GNAL: variants seen among roughly 807,000 people sequenced by gnomAD.
The protein encoded by GNAL is G protein subunit alpha L, also known as guanine nucleotide-binding protein G(olf) subunit alpha.
In GNAL, 18 loss-of-function variants were observed where a neutral mutation model predicts 55.1. That is an observed-to-expected ratio of 0.33 (90% CI 0.23 to 0.48). The LOEUF (loss-of-function observed/expected upper bound fraction) is 0.48. Ranked by LOEUF, GNAL falls within the 20% of genes least tolerant of loss-of-function variation. The pLI is 0.99. For synonymous variants in GNAL, 253 were observed against 237.0 expected (o/e 1.07, Z -0.62); for missense variants, 412 against 614.1 (o/e 0.67, Z 3.48).
intron 4 of GNAL, among the ~76,000 whole-genome samples, chr18:11,797,394 A>G (rs145302440): frequency 5.9e-5 from 9 of 152,240 alleles, no homozygotes; most frequent in African/African-American, 2.4e-5. Flanking sequence ...TATTTTTTCC[A>G]TAACTCTTTT....
At chr18:11,792,833 A>T (rs1031584843) in intron 4 of GNAL, among the ~76,000 whole-genome samples, 7 of 152,250 alleles carry the variant, frequency 4.6e-5, no homozygotes, top group African/African-American at 1.7e-4. Context: ...TGACATGGTG[A>T]TGCAACTTCC....
At position 11,752,151 on chromosome 18, in the gene GNAL, G is replaced by T. The variant is rs2032864903; in HGVS notation, c.377-702G>T. The T allele has an allele frequency of 3.6e-6, 1 of 275,114 alleles. No homozygotes were observed. Among genetic ancestry groups the T allele is most frequent in the Non-Finnish European group, 6.2e-6 (1 of 160,478 alleles). The allele number at this position is 275,114 out of a possible 1,614,324, so 17.0% of individuals were successfully genotyped here. On this transcript the variant is annotated intron_variant, in intron 1 of 11. Coordinates refer to ENST00000334049, the MANE Select transcript of GNAL (RefSeq NM_182978.4). The surrounding 1 kb of genome is among the most constrained non-coding windows in gnomAD (Gnocchi z 4.5). ...ACCGGCGCCCTCGCCCCCCGTCTCC[G>T]TTCATTGTGCTGTATTCATCCAGCA...
intron 1 of GNAL, among the ~76,000 whole-genome samples, chr18:11,745,103 T>C (rs2032660827): frequency 1.3e-5 from 2 of 152,204 alleles, no homozygotes; most frequent in Non-Finnish European, 2.9e-5. Flanking sequence ...AGACCAGTTA[T>C]TACATTTTCT....
In GNAL at chr18:11,732,208, G is replaced by C. The variant is rs60769119; in HGVS notation, c.377-20645G>C. Among the ~76,000 whole-genome samples the C allele has an allele frequency of 9.8e-3, 1,495 of 152,300 alleles. 12 individuals are homozygous for C. Among genetic ancestry groups the C allele is most frequent in the Middle Eastern group, 0.017 (5 of 294 alleles). ...GGTATTACCAAGAATTGGAATTGCT[G>C]GGTCATGTGGTAACTGTATGTTCAA... is the stretch of plus-strand genomic sequence containing the variant. On this transcript the variant is annotated intron_variant, in intron 1 of 11. Transcript: ENST00000334049.
intron 1 of GNAL, among the ~76,000 whole-genome samples, chr18:11,724,234 C>CCT (rs1167209330): frequency 3.3e-5 from 5 of 152,160 alleles, no homozygotes; most frequent in Non-Finnish European, 7.3e-5. Context: ...ATCTGCTCAG[C>CCT]CTCTGGGGGG....
intron 5 of GNAL, chr18:11,852,016 C>T (rs1356518735): frequency 1.2e-6 from 2 of 1,613,812 alleles, no homozygotes; most frequent in Non-Finnish European, 1.7e-6. Context: ...CATGGAGCTG[C>T]CGCAGGGCCA....
intron 1 of GNAL, among the ~76,000 whole-genome samples, chr18:11,731,012 A>G (rs1270726322): frequency 4.6e-5 from 7 of 152,236 alleles, no homozygotes; most frequent in East Asian, 3.8e-4. Flanking sequence ...TCTTATTGCC[A>G]CACAGAATCT....
chr18:11,759,566 G>C (rs959431148), intron 4 of GNAL, among the ~76,000 whole-genome samples: 10 of 152,236 alleles, frequency 6.6e-5, no homozygotes, highest in Admixed American at 6.5e-4. Flanking sequence ...TGTGGCTAAC[G>C]TCTGAGTGTT....
Position 11,885,521 on chromosome 18 carries a change from TG to T in GNAL, c.*4388del. On this transcript the variant is annotated 3_prime_UTR_variant, in exon 12 of 12. Transcript: ENST00000334049. ...GCTGATTGGTTCCCGGAAGGGTGTTTGGCAAGGGGCAGTGTATGGAGCTACG... is the reference window on the plus strand; with the variant it reads ...GCTGATTGGTTCCCGGAAGGGTGTTTGCAAGGGGCAGTGTATGGAGCTACG... 1.2e-6 allele frequency: 1 copy of T among 860,996 alleles called. No homozygotes were observed. The highest frequency in any genetic ancestry group is 2.8e-5 in the Admixed American group (1 of 35,272). The allele number at this position is 860,996 out of a possible 1,614,324, so 53.3% of individuals were successfully genotyped here.
At chr18:11,787,798 C>T (rs1417300198) in intron 4 of GNAL, among the ~76,000 whole-genome samples, 2 of 150,962 alleles carry the variant, frequency 1.3e-5, no homozygotes, top group African/African-American at 2.4e-5. Context: ...GGCATGAACC[C>T]GAGAGGTGGA....
At chr18:11,718,377 G>A (rs1296261625) in intron 1 of GNAL, among the ~76,000 whole-genome samples, 1 of 152,152 alleles carries the variant, frequency 6.6e-6, no homozygotes, top group Non-Finnish European at 1.5e-5. Flanking sequence ...CAGCCATAAT[G>A]CAAGTGTGCT....
intron 5 of GNAL, among the ~76,000 whole-genome samples, chr18:11,861,929 C>G (rs552621623): frequency 6.6e-6 from 1 of 151,412 alleles, no homozygotes; most frequent in South Asian, 2.1e-4. Flanking sequence ...TCGCTCTCCA[C>G]ACTCAGTCGC....
intron 1 of GNAL, among the ~76,000 whole-genome samples, chr18:11,692,163 G>T (rs2031269758): frequency 6.6e-6 from 1 of 152,134 alleles, no homozygotes; most frequent in African/African-American, 2.4e-5. Context: ...ATGGGAGAAG[G>T]AGCTATTCCA....
intron 4 of GNAL, among the ~76,000 whole-genome samples, chr18:11,787,908 A>C (rs1349334552): frequency 1.3e-5 from 2 of 151,594 alleles, no homozygotes; most frequent in Non-Finnish European, 2.9e-5. Flanking sequence ...GCTTAATAGG[A>C]TCATGGGCAG....
intron 1 of GNAL, chr18:11,747,376 C>T (rs1313210611): frequency 4.0e-5 from 7 of 177,130 alleles, no homozygotes; most frequent in Admixed American, 1.8e-4. Flanking sequence ...AGGTTGAAGA[C>T]GCAATGACAG....
intron 11 of GNAL, among the ~76,000 whole-genome samples, chr18:11,878,434 G>C (rs1437017696): frequency 1.3e-5 from 2 of 152,170 alleles, no homozygotes; most frequent in Non-Finnish European, 1.5e-5. Flanking sequence ...CTGGGTGACA[G>C]AGCAACACTC....
chr18:11,790,049 A>C (rs2034185290), intron 4 of GNAL, among the ~76,000 whole-genome samples: 6 of 152,272 alleles, frequency 3.9e-5, no homozygotes, highest in Admixed American at 3.9e-4. Flanking sequence ...TAAGCTTTCT[A>C]GAACGCTCCA....
chr18:11,736,376 C>T (rs1275179610), intron 1 of GNAL, among the ~76,000 whole-genome samples: 3 of 152,202 alleles, frequency 2.0e-5, no homozygotes, highest in East Asian at 3.8e-4. Context: ...GCCTGGGCAA[C>T]AGAGCAAGAC....
rs1359456952 is a variant in GNAL, at chr18:11,752,675, C to G, written c.377-178C>G. Reference sequence around the variant, plus strand: ...TGGGCGGGCAGGGCCGGGCGAGGGTCGCGCGCACCTCTGGGCCGCGGAGCC... The same window carrying G: ...TGGGCGGGCAGGGCCGGGCGAGGGTGGCGCGCACCTCTGGGCCGCGGAGCC... On this transcript the variant is annotated intron_variant, in intron 1 of 11. Transcript: ENST00000334049. This position sits in a 1 kb window ranked among gnomAD's most constrained non-coding sequence, Gnocchi z 4.5. 5.7e-5 allele frequency: 73 copies of G among 1,277,976 alleles called. No individual in the cohort carries two copies. The highest frequency in any genetic ancestry group is 7.4e-5 in the Non-Finnish European group (72 of 977,632). The allele number at this position is 1,277,976 out of a possible 1,614,324, so 79.2% of individuals were successfully genotyped here.
Sources: gnomAD v4.1 joint callset for allele counts (sites outside exome capture counted in the v4.1 genomes callset) on GRCh38, gnomAD v4.1.1 for gene constraint, Gnocchi (gnomAD v3.1) non-coding constraint, MANE v1.5 for transcripts, NCBI Gene and HGNC (gene_info 2026-07-23, HGNC 2026-07-21) for gene names.